The following ZNF121 variants were observed in gnomAD, a reference collection of about 807,000 sequenced individuals.
The protein encoded by ZNF121 is zinc finger protein 121, also known as zinc finger protein 121 (clone ZHC32).
A neutral mutation model predicts 2.4 loss-of-function variants in ZNF121; 1 was observed. That is an observed-to-expected ratio of 0.41 (90% CI 0.15 to 1.94). The LOEUF (loss-of-function observed/expected upper bound fraction) is 1.94. Among genes scored for constraint, ZNF121 ranks in the 30% most tolerant of loss-of-function variants. ZNF121 has a pLI of 0.30. For missense variants in ZNF121, 369 were observed against 466.3 expected (o/e 0.79, Z 1.92); for synonymous variants, 173 against 158.6 (o/e 1.09, Z -0.68).
At position 9,565,387 on chromosome 19, in the gene ZNF121, A is replaced by AAAAAAAAAAAAAT. The variant is rs1369472195; in HGVS notation, c.*552_*553insATTTTTTTTTTTT. 1.4e-5 allele frequency: 2 copies of AAAAAAAAAAAAAT among 139,724 alleles called. No homozygotes were observed. Among genetic ancestry groups the AAAAAAAAAAAAAT allele is most frequent in the Admixed American group, 7.6e-5 (1 of 13,122 alleles). 8.7% of individuals were successfully genotyped at this position (139,724 alleles called of 1,614,324 possible). ...AAAAAAAAAAAAAAAAAAAAAAAAA[A>AAAAAAAAAAAAAT]GGCCAGGAGCAGTGGCTCACTCCTA... is the stretch of plus-strand genomic sequence containing the variant. On this transcript the variant is annotated 3_prime_UTR_variant, in exon 4 of 4. Transcript: ENST00000320451.
chr19:9,583,777 C>T (rs111307263), intron 1 of ZNF121, among the ~76,000 whole-genome samples: 26,279 of 152,028 alleles, frequency 0.17, 3,601 homozygotes, highest in African/African-American at 0.38. Context: ...ATGGCTGGGA[C>T]TACAGGCGTG....
In ZNF121 at chr19:9,560,707, A is replaced by T. The variant is rs2074096669; in HGVS notation, c.*5233T>A. On this transcript the variant is annotated 3_prime_UTR_variant, in exon 4 of 4. Coordinates refer to ENST00000320451, the MANE Select transcript of ZNF121 (RefSeq NM_001008727.5). ...TGTATGTATATAATGCATTTTGTTT[A>T]CCAATTCATCTGTCAATGGACATTT... is the stretch of plus-strand genomic sequence containing the variant. 1 of 152,236 alleles carries T rather than the reference A, an allele frequency of 6.6e-6. No individual in the cohort carries two copies. The highest frequency in any genetic ancestry group is 1.5e-5 in the Non-Finnish European group (1 of 68,050). The allele number at this position is 152,236 out of a possible 1,614,324, so 9.4% of individuals were successfully genotyped here.
rs2074104751 is a variant in ZNF121, at chr19:9,562,233, C to T, written c.*3707G>A. On this transcript the variant is annotated 3_prime_UTR_variant, in exon 4 of 4. Coordinates refer to ENST00000320451, the MANE Select transcript of ZNF121 (RefSeq NM_001008727.5). ...GGGCTGGAGTGCAGTGGTGTGATCT[C>T]AGCTCACTCTAACCTCCACCTCCTG... 1 of 143,484 alleles carries T rather than the reference C, an allele frequency of 7.0e-6. No individual in the cohort carries two copies. Among genetic ancestry groups the T allele is most frequent in the South Asian group, 2.2e-4 (1 of 4,638 alleles). The allele number at this position is 143,484 out of a possible 1,614,324, so 8.9% of individuals were successfully genotyped here.
Position 9,566,243 on chromosome 19 carries a change from C to T in ZNF121, c.870G>A (p.Gly290=). The change falls in exon 4 of 4, where the codon GGG becomes GGA. Residue 290 remains glycine, a synonymous_variant. Transcript: ENST00000320451. Reference sequence around the variant, plus strand: ...AGCTTGAGGAAACAGTGAATGCTTTCCCACACTCCTTACATTTATAGGGTT... The same window carrying T: ...AGCTTGAGGAAACAGTGAATGCTTTTCCACACTCCTTACATTTATAGGGTT... ...GIKPYKCKEC[G]KAFTVSSSLH... is the part of the protein sequence containing the mutation. The T allele has an allele frequency of 6.2e-7, 1 of 1,613,782 alleles. No homozygotes were observed. Among genetic ancestry groups the T allele is most frequent in the Non-Finnish European group, 8.5e-7 (1 of 1,179,910 alleles).
In ZNF121 at chr19:9,563,378, C is replaced by T. The variant is rs1278503505; in HGVS notation, c.*2562G>A. The stretch of plus-strand genomic sequence containing the variant: ...GCAAAGATCAGTTCGTGAGGTTTAA[C>T]AAGTCATTTCCATAACATAAAAGTA... On this transcript the variant is annotated 3_prime_UTR_variant, in exon 4 of 4. Coordinates refer to ENST00000320451, the MANE Select transcript of ZNF121 (RefSeq NM_001008727.5). The T allele has an allele frequency of 6.6e-6, 1 of 152,188 alleles. No homozygotes were observed. Among genetic ancestry groups the T allele is most frequent in the East Asian group, 1.9e-4 (1 of 5,196 alleles). 9.4% of individuals were successfully genotyped at this position (152,188 alleles called of 1,614,324 possible).
At chr19:9,568,887 C>T (rs2074153381) in intron 2 of ZNF121, 115 bp downstream of exon 2, 1 of 152,268 alleles carries the variant, frequency 6.6e-6, no homozygotes, top group Non-Finnish European at 1.5e-5. Context: ...TACCCTAAAA[C>T]TTCCAAGTCC....
chr19:9,570,080 C>T (rs1003851535), intron 1 of ZNF121, among the ~76,000 whole-genome samples: 5 of 151,868 alleles, frequency 3.3e-5, no homozygotes, highest in South Asian at 4.2e-4. Flanking sequence ...GTGGCACGTG[C>T]CTGTAGTCCC....
Position 9,567,097 on chromosome 19 carries a change from T to C in ZNF121, c.16A>G (p.Asn6Asp). 1.2e-6 allele frequency: 2 copies of C among 1,608,182 alleles called. No homozygotes were observed. Among genetic ancestry groups the C allele is most frequent in the East Asian group, 4.5e-5 (2 of 44,824 alleles). MAEIH[N>D]GGELCDFMEN... ...ATAAAGTCACAGAGTTCCCCTCCAT[T>C]GTGGATTTCTGCCTGTTAATAAAGG... The change falls in exon 4 of 4, where the codon AAT becomes GAT. Residue 6 changes from asparagine to aspartate, a missense_variant. By Grantham distance (23) the Asn-to-Asp change is conservative (BLOSUM62 1). Coordinates refer to ENST00000320451, the MANE Select transcript of ZNF121 (RefSeq NM_001008727.5).
In ZNF121 at chr19:9,568,118, TG is replaced by T. The variant is rs779551576; in HGVS notation, c.-22del. 9 of 1,541,596 alleles carry T rather than the reference TG, an allele frequency of 5.8e-6. No individual in the cohort carries two copies. The highest frequency in any genetic ancestry group is 7.1e-6 in the Non-Finnish European group (8 of 1,130,568). ...ACCATTTGTATGCCGTTTGATGTTT[TG>T]TTAAGCCAAAAAAAAATGTTGTTGA... On this transcript the variant is annotated 5_prime_UTR_variant, in exon 3 of 4. Coordinates refer to ENST00000320451, the MANE Select transcript of ZNF121 (RefSeq NM_001008727.5).
intron 1 of ZNF121, among the ~76,000 whole-genome samples, chr19:9,580,708 C>G (rs183409601): frequency 1.6e-4 from 24 of 152,302 alleles, no homozygotes; most frequent in Admixed American, 1.5e-3. Flanking sequence ...TCCACCTGAT[C>G]CAGCAGACCC....
chr19:9,560,647 C>T lies in ZNF121; in HGVS notation c.*5293G>A, dbSNP rs527580916. On this transcript the variant is annotated 3_prime_UTR_variant, in exon 4 of 4. Transcript: ENST00000320451. ...ATAACGTCCATGTTGTAGCATATGG[C>T]AGAATTTTGTTTTTAAGGCTAAATG... 2 of 152,216 alleles carry T rather than the reference C, an allele frequency of 1.3e-5. No homozygotes were observed. The highest frequency in any genetic ancestry group is 2.9e-5 in the Non-Finnish European group (2 of 68,042). The allele number at this position is 152,216 out of a possible 1,614,324, so 9.4% of individuals were successfully genotyped here.
chr19:9,584,105 T>C (rs1217524745), intron 1 of ZNF121: 3 of 152,240 alleles, frequency 2.0e-5, no homozygotes, highest in East Asian at 1.9e-4. Flanking sequence ...GCCAGGTTCC[T>C]GAGGCGCGGA....
At chr19:9,579,275 G>A (rs1170712455) in intron 1 of ZNF121, among the ~76,000 whole-genome samples, 2 of 152,230 alleles carry the variant, frequency 1.3e-5, no homozygotes, top group East Asian at 1.9e-4. Context: ...CAATACTCAG[G>A]TGTAGTGGCT....
chr19:9,581,137 G>T (rs750040074), intron 1 of ZNF121, among the ~76,000 whole-genome samples: 1 of 151,998 alleles, frequency 6.6e-6, no homozygotes, highest in Non-Finnish European at 1.5e-5. Flanking sequence ...CTAAGAGAAT[G>T]AGTGTTAGGA....
intron 1 of ZNF121, among the ~76,000 whole-genome samples, chr19:9,574,369 T>C (rs1175444398): frequency 6.6e-6 from 1 of 152,070 alleles, no homozygotes; most frequent in Non-Finnish European, 1.5e-5. Context: ...TTAGTCAGGA[T>C]GGTCTCAATC....
intron 1 of ZNF121, among the ~76,000 whole-genome samples, chr19:9,580,063 C>T (rs780821693): frequency 3.3e-5 from 5 of 151,982 alleles, no homozygotes; most frequent in Admixed American, 6.6e-5. Flanking sequence ...GAGGCTGAGA[C>T]GGGCGGATCA....
intron 2 of ZNF121, 34 bp from the exon 3 acceptor site, chr19:9,568,209 G>C: frequency 5.4e-6 from 6 of 1,112,910 alleles, no homozygotes; most frequent in Non-Finnish European, 7.6e-6. Flanking sequence ...AAAAAAAATA[G>C]GGTCTGAGAA....
chr19:9,565,378 A>AAC lies in ZNF121; in HGVS notation c.*561_*562insGT. ...CAAAAAAAAAAAAAAAAAAAAAAAA[A>AAC]AAAAAAAAAGGCCAGGAGCAGTGGC... On this transcript the variant is annotated 3_prime_UTR_variant, in exon 4 of 4. Transcript: ENST00000320451. 1 of 139,326 alleles carries AAC rather than the reference A, an allele frequency of 7.2e-6. No homozygotes were observed. The highest frequency in any genetic ancestry group is 1.5e-5 in the Non-Finnish European group (1 of 66,078). The allele number at this position is 139,326 out of a possible 1,614,324, so 8.6% of individuals were successfully genotyped here. A position where few individuals can be genotyped will look rare whatever the true frequency, so the allele number is the denominator to read the frequency against.
chr19:9,582,673 T>C (rs575761089), intron 1 of ZNF121, among the ~76,000 whole-genome samples: 1 of 146,514 alleles, frequency 6.8e-6, no homozygotes, highest in South Asian at 2.2e-4. Flanking sequence ...TACTTGAACC[T>C]GGGAGGCAGA....
Sources: gnomAD v4.1 joint callset for allele counts (sites outside exome capture counted in the v4.1 genomes callset) on GRCh38, gnomAD v4.1.1 for gene constraint, MANE v1.5 for transcripts, NCBI Gene and HGNC (gene_info 2026-07-23, HGNC 2026-07-21) for gene names.